Variants in SPATA17 observed in about 807,000 individuals in gnomAD.
SPATA17 encodes spermatogenesis-associated protein 17.
Under a neutral mutation model 62.2 loss-of-function variants are expected in SPATA17, and 53 were observed. The observed-to-expected ratio is 0.85, with a 90% confidence interval of 0.68 to 1.07. The LOEUF (loss-of-function observed/expected upper bound fraction) is 1.07. SPATA17 is among the 50% of genes least tolerant of loss of function. The pLI is 0.00. For missense variants in SPATA17, 466 were observed against 425.5 expected, an observed-to-expected ratio of 1.10 and a Z score of -0.84; for synonymous variants, 146 against 146.8, an observed-to-expected ratio of 0.99 and a Z score of 0.04.
At chr1:217,634,917 TG>T (rs1669903676) in intron 1 of SPATA17, among the ~76,000 whole-genome samples, 1 of 152,030 alleles carries the variant, frequency 6.6e-6, no homozygotes, top group Admixed American at 6.6e-5. Context: ...TTGTTGTTGT[TG>T]TTGTTGTTGT....
Position 217,683,311 on chromosome 1 carries a change from T to C in SPATA17, c.345T>C (p.Tyr115=). 1 of 1,610,286 alleles carries C rather than the reference T, an allele frequency of 6.2e-7. No homozygotes were observed. The highest frequency in any genetic ancestry group is 8.5e-7 in the Non-Finnish European group (1 of 1,178,210). ...YRVRKYLFNY[Y]YLKEYLKVVS... is the part of the protein sequence containing the mutation. ...TTCGGAAGTACCTCTTTAATTATTATTATTTGAAAGAGTACCTGAAAGTCG... is the reference window on the plus strand; with the variant it reads ...TTCGGAAGTACCTCTTTAATTATTACTATTTGAAAGAGTACCTGAAAGTCG... The change falls in exon 5 of 11, where the codon TAT becomes TAC. Residue 115 remains tyrosine (Y), a synonymous_variant. Transcript: ENST00000366933.
chr1:217,765,016 A>G (rs955919908), intron 6 of SPATA17, among the ~76,000 whole-genome samples: 2 of 152,080 alleles, frequency 1.3e-5, no homozygotes, highest in Non-Finnish European at 2.9e-5. Flanking sequence ...TGAAATGGAA[A>G]TTGGTCCATT....
intron 7 of SPATA17, among the ~76,000 whole-genome samples, chr1:217,779,869 AT>A (rs1273781243): frequency 1.3e-5 from 2 of 152,138 alleles, no homozygotes; most frequent in Non-Finnish European, 2.9e-5. Flanking sequence ...AACATATAAA[AT>A]GACTATAAAT....
intron 9 of SPATA17, among the ~76,000 whole-genome samples, chr1:217,827,074 T>G (rs895326455): frequency 1.3e-5 from 2 of 152,072 alleles, no homozygotes; most frequent in African/African-American, 4.8e-5. Flanking sequence ...TCTCTGTATC[T>G]CATTTAAAAT....
At chr1:217,749,492 C>T (rs1672847447) in intron 6 of SPATA17, among the ~76,000 whole-genome samples, 1 of 151,918 alleles carries the variant, frequency 6.6e-6, no homozygotes, top group Non-Finnish European at 1.5e-5. Context: ...TCAGACTTTA[C>T]ATTAAACGAT....
In SPATA17 at chr1:217,683,270, T is replaced by C. The variant is rs756781689; in HGVS notation, c.304T>C (p.Trp102Arg). The C allele has an allele frequency of 2.5e-6, 4 of 1,603,670 alleles. No homozygotes were observed. In the Admixed American group the frequency reaches 6.8e-5, roughly 27 times the overall value. Residue 102 changes from tryptophan to arginine, a missense_variant, in exon 5 of 11, where the codon TGG becomes CGG. Transcript: ENST00000366933. ...NAMAVRIQRR[W>R]RGYRVRKYLF... Reference sequence around the variant, plus strand: ...TTTACTTTAATAGATTCAGAGACGATGGCGAGGCTATAGGGTTCGGAAGTA... The same window carrying C: ...TTTACTTTAATAGATTCAGAGACGACGGCGAGGCTATAGGGTTCGGAAGTA...
chr1:217,738,431 T>A (rs1429525654), intron 5 of SPATA17, among the ~76,000 whole-genome samples: 1 of 152,214 alleles, frequency 6.6e-6, no homozygotes, highest in African/African-American at 2.4e-5. Context: ...ACTTGGCTCA[T>A]AGTAAATGTT....
At chr1:217,845,385 G>A (rs1675500489) in intron 9 of SPATA17, among the ~76,000 whole-genome samples, 2 of 152,032 alleles carry the variant, frequency 1.3e-5, no homozygotes, top group South Asian at 4.1e-4. Flanking sequence ...GCTCCAGGTG[G>A]AAGGCAGCCC....
chr1:217,669,239 A>C (rs1292214530), intron 4 of SPATA17, among the ~76,000 whole-genome samples, 156 bp downstream of exon 4: 1 of 152,230 alleles, frequency 6.6e-6, no homozygotes, highest in Non-Finnish European at 1.5e-5. Context: ...TATGCTAAAT[A>C]ATCTTGGCAG....
chr1:217,801,870 T>G lies in SPATA17; in HGVS notation c.1005+20T>G. 1 of 1,586,508 alleles carries G rather than the reference T, an allele frequency of 6.3e-7. No individual in the cohort carries two copies. The highest frequency in any genetic ancestry group is 8.5e-7 in the Non-Finnish European group (1 of 1,170,470). On this transcript the variant is annotated intron_variant, in intron 9 of 10. Coordinates refer to ENST00000366933, the MANE Select transcript of SPATA17 (RefSeq NM_138796.4). Reference sequence around the variant, plus strand: ...GACAAGGTGAGTTAACAAAACATTTTAAAAAGTTATTCCTTTTTAAAAGCT... The same window carrying G: ...GACAAGGTGAGTTAACAAAACATTTGAAAAAGTTATTCCTTTTTAAAAGCT...
Position 217,631,455 on chromosome 1 carries a change from G to A in SPATA17, c.68+9G>A, listed in dbSNP as rs1272740061. 3 of 1,614,072 alleles carry A rather than the reference G, an allele frequency of 1.9e-6. No individual in the cohort carries two copies. The Admixed American group carries it at 5.0e-5, about 27-fold the overall frequency. On this transcript the variant is annotated intron_variant, in intron 1 of 10. Transcript: ENST00000366933. ...TACTACTTTAGGAACAGGTAAGTCA[G>A]GAAGAGAAGGATCGCGTAAAGGGCG...
In SPATA17 at chr1:217,683,321, G is replaced by A; in HGVS notation, c.355G>A (p.Glu119Lys). ...CCTCTTTAATTATTATTATTTGAAAGAGTACCTGAAAGTCGTTTCAGAGAC... is the reference window on the plus strand; with the variant it reads ...CCTCTTTAATTATTATTATTTGAAAAAGTACCTGAAAGTCGTTTCAGAGAC... The part of the protein sequence containing the change: ...KYLFNYYYLK[E>K]YLKVVSETND... The change falls in exon 5 of 11, where the codon GAG becomes AAG. Residue 119 changes from glutamate to lysine, a missense_variant. By Grantham distance (56) the Glu-to-Lys change is moderately conservative. Transcript: ENST00000366933. The A allele has an allele frequency of 6.2e-7, 1 of 1,610,028 alleles. No individual in the cohort carries two copies. The highest frequency in any genetic ancestry group is 8.5e-7 in the Non-Finnish European group (1 of 1,178,154).
chr1:217,812,777 T>C (rs962490068), intron 9 of SPATA17, among the ~76,000 whole-genome samples: 1 of 152,346 alleles, frequency 6.6e-6, no homozygotes, highest in African/African-American at 2.4e-5. Context: ...AACATTCACA[T>C]ATGTTCATAT....
At chr1:217,753,894 G>A (rs1672976156) in intron 6 of SPATA17, among the ~76,000 whole-genome samples, 1 of 151,994 alleles carries the variant, frequency 6.6e-6, no homozygotes. Flanking sequence ...TTTATACAAG[G>A]CAAGTGGAAG....
chr1:217,745,561 A>G (rs34011103), intron 6 of SPATA17, among the ~76,000 whole-genome samples: 69,725 of 152,006 alleles, frequency 0.46, 17,500 homozygotes, highest in Non-Finnish European at 0.58. Context: ...AACTATTAAT[A>G]CAAACTGTCT....
At chr1:217,771,212 T>C (rs1673436738) in intron 6 of SPATA17, among the ~76,000 whole-genome samples, 1 of 151,400 alleles carries the variant, frequency 6.6e-6, no homozygotes, top group African/African-American at 2.4e-5. Context: ...AATAACTCAG[T>C]TGTAGGCTTT....
chr1:217,763,638 T>C (rs1673225900), intron 6 of SPATA17, among the ~76,000 whole-genome samples: 1 of 152,218 alleles, frequency 6.6e-6, no homozygotes, highest in African/African-American at 2.4e-5. Flanking sequence ...TGGACTTCCT[T>C]GCAGATGGGG....
intron 3 of SPATA17, among the ~76,000 whole-genome samples, chr1:217,654,525 C>A (rs1670393579): frequency 6.6e-6 from 1 of 151,988 alleles, no homozygotes; most frequent in Non-Finnish European, 1.5e-5. Flanking sequence ...AGAAAAGTTG[C>A]AAAAATAGTA....
intron 5 of SPATA17, among the ~76,000 whole-genome samples, chr1:217,703,115 T>A (rs1290011214): frequency 6.6e-6 from 1 of 150,908 alleles, no homozygotes; most frequent in African/African-American, 2.4e-5. Flanking sequence ...AACTCAGTGA[T>A]ACACCCGCCT....
Sources: allele counts gnomAD v4.1 joint callset (sites outside exome capture counted in the v4.1 genomes callset), GRCh38; gene constraint gnomAD v4.1.1; transcripts MANE v1.5; gene names NCBI Gene and HGNC (gene_info 2026-07-23, HGNC 2026-07-21).